The following PFKL variants were observed in gnomAD, a reference collection of about 807,000 sequenced individuals.
PFKL encodes the protein phosphofructokinase, liver type.
A neutral mutation model predicts 92.1 loss-of-function variants in PFKL; 74 were observed. That is an observed-to-expected ratio of 0.80 (90% CI 0.67 to 0.97). PFKL has a LOEUF of 0.97. Among genes scored for constraint, PFKL ranks in the 50% least tolerant of loss-of-function variants. The probability of loss-of-function intolerance (pLI) is 0.00; values close to 1 mark genes in which losing one functional copy is unlikely to be tolerated. For missense variants in PFKL, 1,028 were observed against 1,116.6 expected (o/e 0.92, Z 1.13); for synonymous variants, 494 against 456.4 (o/e 1.08, Z -1.05).
At position 44,312,995 on chromosome 21, in the gene PFKL, A is replaced by T; in HGVS notation, c.445A>T (p.Thr149Ser). ...TGGCCCAGGTAAGATCTCAGAGACT[A>T]CAGCCCGGACCTACTCGCACCTGAA... ...LVAEGKISETTARTYSHLNIA... is the reference protein window; with the variant it reads ...LVAEGKISETSARTYSHLNIA... Residue 149 changes from threonine to serine, a missense_variant, in exon 5 of 22, where the codon ACA (threonine) becomes TCA (serine). Thr to Ser is a moderately conservative substitution (Grantham distance 58, BLOSUM62 1). Transcript: ENST00000349048. 5 of 1,612,998 alleles carry T rather than the reference A, an allele frequency of 3.1e-6. No individual in the cohort carries two copies. Among genetic ancestry groups the T allele is most frequent in the Non-Finnish European group, 4.2e-6 (5 of 1,179,894 alleles).
intron 3 of PFKL, among the ~76,000 whole-genome samples, chr21:44,311,501 C>T (rs769282369): frequency 6.6e-6 from 1 of 152,206 alleles, no homozygotes; most frequent in Non-Finnish European, 1.5e-5. Flanking sequence ...TACACAGATA[C>T]AGAAACATAC....
At chr21:44,311,955 C>G in intron 3 of PFKL, 150 bp from the exon 4 acceptor site, 1 of 559,482 alleles carries the variant, frequency 1.8e-6, no homozygotes, top group South Asian at 3.4e-5. Context: ...GTAGGGCCAC[C>G]TCAGGTTTCC....
At chr21:44,303,111 G>T (rs1025323359) in intron 1 of PFKL, among the ~76,000 whole-genome samples, 4 of 152,094 alleles carry the variant, frequency 2.6e-5, no homozygotes. Context: ...GTGCGCATCT[G>T]TAATCCCAGC....
At chr21:44,325,121 C>G (rs1484830059) in intron 18 of PFKL, 32 bp from the exon 19 acceptor site, 1 of 1,475,558 alleles carries the variant, frequency 6.8e-7, no homozygotes. Flanking sequence ...TGAACTCGTT[C>G]CCGCCGACTC....
intron 11 of PFKL, 95 bp from the exon 12 acceptor site, chr21:44,319,989 C>T (rs2047316918): frequency 7.8e-6 from 9 of 1,147,856 alleles, no homozygotes; most frequent in Non-Finnish European, 1.2e-5. Context: ...GGCCGTGTGC[C>T]TGTGACCAGC....
chr21:44,322,812 G>A (rs973374393), intron 14 of PFKL, 150 bp from the exon 15 acceptor site: 10 of 541,570 alleles, frequency 1.8e-5, no homozygotes, highest in African/African-American at 1.1e-4. Context: ...GTCCCTCTCC[G>A]TGTGGAGCCA....
intron 13 of PFKL, 116 bp downstream of exon 13, chr21:44,321,991 C>T (rs745670310): frequency 2.9e-5 from 42 of 1,436,842 alleles, no homozygotes; most frequent in East Asian, 1.4e-4. Context: ...GTCCGCGTGT[C>T]GGTGCCCACC....
intron 11 of PFKL, 193 bp from the exon 12 acceptor site, chr21:44,319,891 G>A (rs929309354): frequency 1.6e-5 from 9 of 573,744 alleles, no homozygotes; most frequent in South Asian, 6.2e-5. Context: ...GCGTGGCCTC[G>A]TGTTGTGTTG....
intron 15 of PFKL, among the ~76,000 whole-genome samples, chr21:44,323,261 C>G (rs1480253111): frequency 2.0e-5 from 3 of 152,126 alleles, no homozygotes; most frequent in Non-Finnish European, 4.4e-5. Context: ...GTTTTAAGTG[C>G]TGTGTGTGGG....
intron 2 of PFKL, among the ~76,000 whole-genome samples, chr21:44,310,504 TG>T (rs974134714): frequency 3.3e-5 from 5 of 152,156 alleles, no homozygotes; most frequent in African/African-American, 1.2e-4. Context: ...GATGGTAGCC[TG>T]GGCTGTTCAC....
rs375079237 is a variant in PFKL at position 44,305,220 on chromosome 21, C to T, written c.86-1461C>T. ...ATGGTGGCAGATACTCTGGCTGCTA[C>T]GTGAGAACAGTGTGCCGATCCCTGG... On this transcript the variant is annotated intron_variant, in intron 1 of 21. Transcript: ENST00000349048. 85 of 1,270,760 alleles carry T rather than the reference C, an allele frequency of 6.7e-5. No homozygotes were observed. In the East Asian group the frequency reaches 7.9e-4, roughly 12 times the overall value. 78.7% of individuals were successfully genotyped at this position (1,270,760 alleles called of 1,614,324 possible).
rs143940934 is a variant in PFKL at position 44,316,282 on chromosome 21, C to T, written c.786C>T (p.Ile262=). The T allele has an allele frequency of 1.7e-5, 28 of 1,613,118 alleles. No individual in the cohort carries two copies. The African/African-American group carries it at 2.0e-4, about 12-fold the overall frequency. Residue 262 remains isoleucine (I), a synonymous_variant, in exon 8 of 22, where the codon ATC becomes ATT. Transcript: ENST00000349048. ...GGTCCCGACTGAACATCATCATCAT[C>T]GCTGAGGGTGCCATTGACCGCAACG... is the stretch of plus-strand genomic sequence containing the variant. The part of the protein sequence containing the change: ...SRGSRLNIII[I]AEGAIDRNGK...
At chr21:44,317,824 G>A (rs963791582) in intron 9 of PFKL, among the ~76,000 whole-genome samples, 1 of 152,260 alleles carries the variant, frequency 6.6e-6, no homozygotes, top group African/African-American at 2.4e-5. Flanking sequence ...CCCAGAATAA[G>A]GTGCCGCCTG....
At chr21:44,324,684 A>G in intron 17 of PFKL, 29 bp downstream of exon 17, 1 of 1,564,900 alleles carries the variant, frequency 6.4e-7, no homozygotes, top group Non-Finnish European at 8.7e-7. Context: ...CTGCTGCGGC[A>G]GACCTGCCGG....
chr21:44,304,244 C>T lies in PFKL; in HGVS notation c.86-2437C>T, dbSNP rs1042829512. ...GAAGTGAGGGGTACCCTTGCTGACC[C>T]CTGATCCTGGGGCCCCTTTGCCGTT... On this transcript the variant is annotated intron_variant, in intron 1 of 21. Transcript: ENST00000349048. 4.7e-6 allele frequency: 6 copies of T among 1,289,044 alleles called. No homozygotes were observed. In the African/African-American group the frequency reaches 7.6e-5, roughly 16 times the overall value. 79.9% of individuals were successfully genotyped at this position (1,289,044 alleles called of 1,614,324 possible). A position where few individuals can be genotyped will look rare whatever the true frequency, so the allele number is the denominator to read the frequency against.
At chr21:44,311,415 C>T (rs1342313747) in intron 3 of PFKL, among the ~76,000 whole-genome samples, 2 of 152,100 alleles carry the variant, frequency 1.3e-5, no homozygotes, top group African/African-American at 4.8e-5. Context: ...GACATGGAGA[C>T]AGATACACAT....
chr21:44,311,267 CACAG>C (rs1214609044), intron 3 of PFKL, among the ~76,000 whole-genome samples, 184 bp downstream of exon 3: 1 of 151,474 alleles, frequency 6.6e-6, no homozygotes, highest in African/African-American at 2.4e-5. Flanking sequence ...TGCGTGCACA[CACAG>C]ACCCGTGCAC....
At chr21:44,306,845 C>A in intron 2 of PFKL, 91 bp downstream of exon 2, 2 of 1,169,944 alleles carry the variant, frequency 1.7e-6, no homozygotes, top group South Asian at 1.3e-5. Flanking sequence ...CACTGGGAGA[C>A]GGGGTGGTCC....
At chr21:44,318,368 G>C in intron 9 of PFKL, 102 bp from the exon 10 acceptor site, 3 of 1,263,932 alleles carry the variant, frequency 2.4e-6, no homozygotes, top group Non-Finnish European at 3.1e-6. Flanking sequence ...CCGTCAGCGT[G>C]GGGGGCTCTG....
Sources: gnomAD v4.1 joint callset for allele counts (sites outside exome capture counted in the v4.1 genomes callset) on GRCh38, gnomAD v4.1.1 for gene constraint, MANE v1.5 for transcripts, NCBI Gene and HGNC (gene_info 2026-07-23, HGNC 2026-07-21) for gene names.